The following C1orf105 variants were observed in gnomAD, a reference collection of about 807,000 sequenced individuals.
C1orf105 encodes uncharacterized protein C1orf105.
Under a neutral mutation model 20.8 loss-of-function variants are expected in C1orf105, and 17 were observed. That is an observed-to-expected ratio of 0.82 (90% CI 0.56 to 1.23). C1orf105 has a LOEUF of 1.23. Among genes scored for constraint, C1orf105 ranks in the 50% most tolerant of loss-of-function variants. The pLI, the probability that C1orf105 is intolerant of heterozygous loss-of-function variation, is 0.00. For synonymous variants in C1orf105, 72 were observed against 72.1 expected (o/e 1.00, Z 0.01); for missense variants, 219 against 213.5 (o/e 1.03, Z -0.16).
chr1:172,442,858 G>A (rs1221808769), intron 1 of C1orf105: 5 of 481,142 alleles, frequency 1.0e-5, no homozygotes, highest in South Asian at 9.9e-5. Context: ...GTGAACCTAC[G>A]AAAGTTGTGA....
intron 1 of C1orf105, among the ~76,000 whole-genome samples, chr1:172,433,949 C>T (rs996641254): frequency 6.6e-6 from 1 of 152,118 alleles, no homozygotes; most frequent in African/African-American, 2.4e-5. Context: ...GCAGGGGTTA[C>T]AATCCTAGTC....
At chr1:172,426,220 G>T (rs969337640) in intron 1 of C1orf105, among the ~76,000 whole-genome samples, 13 of 152,150 alleles carry the variant, frequency 8.5e-5, no homozygotes, top group African/African-American at 3.1e-4. Context: ...CTTTTCCAAA[G>T]GTGGCAGCTT....
At chr1:172,455,978 A>C (rs115825779) in intron 3 of C1orf105, among the ~76,000 whole-genome samples, 1,803 of 152,300 alleles carry the variant, frequency 0.012, 41 homozygotes, top group African/African-American at 0.041. Flanking sequence ...TCTTCTCTTC[A>C]TTCTTTCTTA....
At chr1:172,430,357 A>T in intron 1 of C1orf105, 1 of 698,934 alleles carries the variant, frequency 1.4e-6, no homozygotes, top group Non-Finnish European at 2.6e-6. Flanking sequence ...CATCCTTCTG[A>T]TGGCAGCAGT....
intron 1 of C1orf105, among the ~76,000 whole-genome samples, chr1:172,434,741 C>T (rs2071982413): frequency 6.6e-6 from 1 of 152,172 alleles, no homozygotes; most frequent in Admixed American, 6.5e-5. Context: ...CAAGAAATAA[C>T]TAAGATCAGA....
chr1:172,442,502 T>C, intron 1 of C1orf105: 1 of 1,614,188 alleles, frequency 6.2e-7, no homozygotes. Flanking sequence ...CGAGCATGGA[T>C]GTTTTTCCGG....
intron 1 of C1orf105, among the ~76,000 whole-genome samples, chr1:172,430,097 T>C (rs1179746961): frequency 2.6e-5 from 4 of 152,222 alleles, no homozygotes; most frequent in Non-Finnish European, 4.4e-5. Context: ...CCAATGCTAC[T>C]GTAAACTTTT....
intron 1 of C1orf105, 47 bp from the exon 2 acceptor site, chr1:172,445,026 T>G (rs748811723): frequency 1.6e-5 from 23 of 1,466,136 alleles, no homozygotes; most frequent in Non-Finnish European, 2.1e-5. Context: ...ATGATAGCAA[T>G]GTTTAAGTGT....
chr1:172,459,508 T>C (rs1049038291), intron 4 of C1orf105, among the ~76,000 whole-genome samples: 3 of 152,094 alleles, frequency 2.0e-5, no homozygotes, highest in African/African-American at 7.2e-5. Flanking sequence ...TTCCATCCAC[T>C]AGGATGGTTG....
chr1:172,464,644 GTT>G (rs35644684), intron 5 of C1orf105, among the ~76,000 whole-genome samples: 70,374 of 146,744 alleles, frequency 0.48, 16,776 homozygotes, highest in East Asian at 0.67. Context: ...GAAGAGTTCT[GTT>G]TTTTTTTTTT....
intron 3 of C1orf105, among the ~76,000 whole-genome samples, chr1:172,454,443 C>T (rs193190004): frequency 6.7e-4 from 102 of 151,954 alleles, no homozygotes; most frequent in African/African-American, 2.4e-3. Context: ...GGGGATATCA[C>T]CCCCAGGGGT....
At chr1:172,442,000 T>A (rs756810468) in intron 1 of C1orf105, 1 of 1,614,198 alleles carries the variant, frequency 6.2e-7, no homozygotes, top group Non-Finnish European at 8.5e-7. Flanking sequence ...GGCAAAAATC[T>A]GAATGGCAAA....
intron 4 of C1orf105, among the ~76,000 whole-genome samples, chr1:172,457,518 C>T (rs1228720953): frequency 6.6e-6 from 1 of 152,200 alleles, no homozygotes; most frequent in African/African-American, 2.4e-5. Flanking sequence ...AAAGCTGCAC[C>T]TTGATGTTGC....
intron 1 of C1orf105, among the ~76,000 whole-genome samples, chr1:172,436,393 G>GA (rs1314143930): frequency 6.6e-6 from 1 of 152,146 alleles, no homozygotes; most frequent in Non-Finnish European, 1.5e-5. Context: ...CCAAAACAGA[G>GA]ATATAGACCA....
chr1:172,468,359 G>A lies in C1orf105; in HGVS notation c.407-90G>A, dbSNP rs1197231809. ...AAATCTGTTTTATAAGGTTGAAGAA[G>A]TCTTTGTTGGCCTGTGGTTATTTTG... is the stretch of plus-strand genomic sequence containing the variant. On this transcript the variant is annotated intron_variant, in intron 6 of 6. Transcript: ENST00000367727. The A allele has an allele frequency of 3.0e-6, 3 of 998,258 alleles. No homozygotes were observed. In the African/African-American group the frequency reaches 4.9e-5, roughly 16 times the overall value. The allele number at this position is 998,258 out of a possible 1,614,324, so 61.8% of individuals were successfully genotyped here.
chr1:172,456,224 C>T (rs924834299), intron 3 of C1orf105, among the ~76,000 whole-genome samples, 191 bp from the exon 4 acceptor site: 7 of 152,156 alleles, frequency 4.6e-5, no homozygotes, highest in African/African-American at 9.7e-5. Flanking sequence ...CCTAAACTCT[C>T]GGTACCTACC....
intron 3 of C1orf105, chr1:172,451,173 A>G (rs1191498444): frequency 6.6e-6 from 1 of 152,274 alleles, no homozygotes; most frequent in African/African-American, 2.4e-5. Flanking sequence ...CTCTTTGCCC[A>G]CTTGCTGGTA....
chr1:172,428,801 C>T, intron 1 of C1orf105: 1 of 698,668 alleles, frequency 1.4e-6, no homozygotes, highest in South Asian at 1.5e-5. Context: ...CAGATATATT[C>T]CAAGCACACA....
chr1:172,421,475 T>C (rs2071586008), intron 1 of C1orf105, among the ~76,000 whole-genome samples: 1 of 152,124 alleles, frequency 6.6e-6, no homozygotes, highest in Non-Finnish European at 1.5e-5. Context: ...TATGATAGGG[T>C]TACATCTCAA....
Sources: gnomAD v4.1 joint callset for allele counts (sites outside exome capture counted in the v4.1 genomes callset) on GRCh38, gnomAD v4.1.1 for gene constraint, MANE v1.5 for transcripts, NCBI Gene and HGNC (gene_info 2026-07-23, HGNC 2026-07-21) for gene names.